SDK1: variants seen among roughly 807,000 people sequenced by gnomAD.
SDK1 encodes the protein protein sidekick-1.
SDK1 carries 157 observed loss-of-function variants against 245.5 expected under a neutral mutation model. That is an observed-to-expected ratio of 0.64 (90% CI 0.56 to 0.73). SDK1 has a LOEUF of 0.73. Ranked by LOEUF, SDK1 falls within the 30% of genes least tolerant of loss-of-function variation. The pLI, the probability that SDK1 is intolerant of heterozygous loss-of-function variation, is 0.00. For missense variants in SDK1, 3,583 were observed against 3,002.3 expected, an observed-to-expected ratio of 1.19 and a Z score of -4.52; for synonymous variants, 1,647 against 1,278.5, an observed-to-expected ratio of 1.29 and a Z score of -6.15.
chr7:3,620,769 C>G (rs951190587), intron 2 of SDK1, among the ~76,000 whole-genome samples: 3 of 152,154 alleles, frequency 2.0e-5, no homozygotes, highest in Non-Finnish European at 2.9e-5. Context: ...CCCTGGTTCT[C>G]CTCGGTGCTC....
intron 1 of SDK1, among the ~76,000 whole-genome samples, chr7:3,331,192 AG>A (rs1780060242): frequency 6.6e-6 from 1 of 152,140 alleles, no homozygotes; most frequent in Admixed American, 6.5e-5. Flanking sequence ...TGAATCTGGG[AG>A]GCAGAGATTG....
intron 2 of SDK1, among the ~76,000 whole-genome samples, chr7:3,620,773 G>T (rs76076294): frequency 1.3e-5 from 2 of 151,946 alleles, no homozygotes; most frequent in South Asian, 2.1e-4. Context: ...GGTTCTCCTC[G>T]GTGCTCTCTG....
chr7:4,204,381 G>C (rs1261369415), intron 35 of SDK1, among the ~76,000 whole-genome samples: 1 of 152,186 alleles, frequency 6.6e-6, no homozygotes, highest in African/African-American at 2.4e-5. Flanking sequence ...CAACAACCTG[G>C]TGTGGGCTAT....
chr7:3,509,474 G>A (rs150708035), intron 1 of SDK1, among the ~76,000 whole-genome samples: 8 of 152,234 alleles, frequency 5.3e-5, no homozygotes, highest in Middle Eastern at 3.4e-3. Flanking sequence ...GCAATTAAAG[G>A]GTGCCTGGCA....
At chr7:3,406,726 T>C (rs1238193736) in intron 1 of SDK1, among the ~76,000 whole-genome samples, 1 of 152,160 alleles carries the variant, frequency 6.6e-6, no homozygotes, top group Non-Finnish European at 1.5e-5. Flanking sequence ...CATCAGACTT[T>C]TTGAATGCTG....
chr7:4,082,665 G>T (rs1781137566), intron 22 of SDK1, among the ~76,000 whole-genome samples: 1 of 152,030 alleles, frequency 6.6e-6, no homozygotes, highest in South Asian at 2.1e-4. Flanking sequence ...CTGTCACCCA[G>T]ACAGGAGTGA....
intron 1 of SDK1, among the ~76,000 whole-genome samples, chr7:3,434,678 G>C (rs953753307): frequency 1.3e-5 from 2 of 152,146 alleles, no homozygotes. Context: ...ACCGAGTGTG[G>C]ATGGTTTTAA....
intron 1 of SDK1, among the ~76,000 whole-genome samples, chr7:3,426,128 G>C (rs906619977): frequency 6.6e-6 from 1 of 152,184 alleles, no homozygotes; most frequent in African/African-American, 2.4e-5. Context: ...AGACAGGTTG[G>C]TCAGGAGATA....
chr7:3,405,454 A>G (rs1051701100), intron 1 of SDK1, among the ~76,000 whole-genome samples: 14 of 152,190 alleles, frequency 9.2e-5, no homozygotes, highest in African/African-American at 3.4e-4. Flanking sequence ...TGAATATAGT[A>G]TGCCACAAAA....
chr7:4,090,275 C>G (rs1405557261), intron 22 of SDK1, among the ~76,000 whole-genome samples: 4 of 152,206 alleles, frequency 2.6e-5, no homozygotes, highest in African/African-American at 7.2e-5. Flanking sequence ...TCTTTCCAGT[C>G]TCATCCACCA....
At chr7:4,110,895 A>G in intron 23 of SDK1, 123 bp downstream of exon 23, 1 of 693,076 alleles carries the variant, frequency 1.4e-6, no homozygotes, top group Non-Finnish European at 2.6e-6. Flanking sequence ...AGTGGCAATA[A>G]CAGTACCTAA....
chr7:3,737,590 C>T (rs1199776927), intron 4 of SDK1, among the ~76,000 whole-genome samples: 2 of 152,192 alleles, frequency 1.3e-5, no homozygotes, highest in African/African-American at 4.8e-5. Context: ...GGTGCAGTGC[C>T]ACTGGCTGCG....
intron 4 of SDK1, among the ~76,000 whole-genome samples, chr7:3,693,648 C>G (rs996994806): frequency 6.6e-6 from 1 of 151,684 alleles, no homozygotes; most frequent in Non-Finnish European, 1.5e-5. Flanking sequence ...TTGTTTTTTT[C>G]TGGCTATAAT....
At chr7:3,810,808 A>T (rs1218471788) in intron 4 of SDK1, among the ~76,000 whole-genome samples, 2 of 152,304 alleles carry the variant, frequency 1.3e-5, no homozygotes, top group East Asian at 3.9e-4. Context: ...TGTAAAGTGG[A>T]TTTTAACGTT....
intron 4 of SDK1, among the ~76,000 whole-genome samples, chr7:3,688,841 C>A (rs916513401): frequency 1.4e-4 from 21 of 152,178 alleles, no homozygotes; most frequent in African/African-American, 4.6e-4. Flanking sequence ...ATGGCCAATC[C>A]ATGTCCTGTG....
chr7:4,080,481 A>G (rs1780985188), intron 22 of SDK1, among the ~76,000 whole-genome samples: 1 of 152,202 alleles, frequency 6.6e-6, no homozygotes, highest in Non-Finnish European at 1.5e-5. Flanking sequence ...CTTATGCTAT[A>G]CTGCAAGACG....
chr7:4,239,871 C>G (rs1027089256), intron 42 of SDK1, among the ~76,000 whole-genome samples: 1 of 152,164 alleles, frequency 6.6e-6, no homozygotes, highest in African/African-American at 2.4e-5. Context: ...GAGGAGCTGG[C>G]TACATTAGCC....
intron 13 of SDK1, among the ~76,000 whole-genome samples, chr7:3,980,336 C>T (rs775831844): frequency 2.6e-5 from 4 of 152,162 alleles, no homozygotes; most frequent in African/African-American, 7.2e-5. Flanking sequence ...CCTGAGGTGT[C>T]CTGTGCCTGA....
At chr7:3,361,982 G>A (rs778152850) in intron 1 of SDK1, among the ~76,000 whole-genome samples, 2 of 152,058 alleles carry the variant, frequency 1.3e-5, no homozygotes, top group African/African-American at 4.8e-5. Flanking sequence ...TTATGTCTTG[G>A]TACCACGCTT....
Sources: allele counts gnomAD v4.1 joint callset (sites outside exome capture counted in the v4.1 genomes callset), GRCh38; gene constraint gnomAD v4.1.1; transcripts MANE v1.5; gene names NCBI Gene and HGNC (gene_info 2026-07-23, HGNC 2026-07-21).